REPS2: variants seen among roughly 807,000 people sequenced by gnomAD.
REPS2 encodes ralBP1-associated Eps domain-containing protein 2.
In REPS2, 23 loss-of-function variants were observed where a neutral mutation model predicts 53.6. The observed-to-expected ratio is 0.43, with a 90% CI of 0.31 to 0.61. REPS2 has a LOEUF of 0.61. Ranked by LOEUF, REPS2 falls within the 20% of genes least tolerant of loss-of-function variation. The pLI is 0.11. For missense variants in REPS2, 446 were observed against 534.9 expected, an observed-to-expected ratio of 0.83 and a Z score of 1.64; for synonymous variants, 238 against 218.6, an observed-to-expected ratio of 1.09 and a Z score of -0.78.
At chrX:17,062,812 A>G (rs2062175803) in intron 9 of REPS2, among the ~76,000 whole-genome samples, 1 of 112,244 alleles carries the variant, frequency 8.9e-6, no homozygotes, top group African/African-American at 3.2e-5. Flanking sequence ...AAATGTAGAT[A>G]TAGCCAAACT....
At chrX:17,123,670 A>T (rs1301034468) in intron 14 of REPS2, among the ~76,000 whole-genome samples, 1 of 112,502 alleles carries the variant, frequency 8.9e-6, no homozygotes, top group African/African-American at 3.2e-5. Flanking sequence ...ACTGCCTGAG[A>T]TATCCATGTT....
At position 17,099,883 on chromosome X, in the gene REPS2, C is replaced by T. The variant is rs191991003; in HGVS notation, c.1517-3835C>T. The T allele has an allele frequency of 1.9e-3, 1,464 of 785,715 alleles. 4 individuals are homozygous for T. The highest frequency in any genetic ancestry group is 4.1e-3 in the South Asian group (198 of 48,468). 64.8% of individuals were successfully genotyped at this position (785,715 alleles called of 1,213,427 possible). A position where few individuals can be genotyped will look rare whatever the true frequency, so the allele number is the denominator to read the frequency against. On this transcript the variant is annotated intron_variant, in intron 13 of 17. Coordinates refer to ENST00000357277, the MANE Select transcript of REPS2 (RefSeq NM_004726.3). ...TTGACATTGACTTCCTTGGCAGGGA[C>T]GAGGTCAGCCTCATCAGAATTTTTC...
the REPS2 span, among the ~76,000 whole-genome samples, chrX:17,186,503 G>A: frequency 2.7e-5 from 3 of 112,040 alleles, no homozygotes; most frequent in Non-Finnish European, 5.6e-5. Context: ...TGGTGGTCAA[G>A]CCAAGATTTC....
rs1344217359 is a variant in REPS2, at chrX:17,103,898, C to A, written c.1578+119C>A. 14 of 639,997 alleles carry A rather than the reference C, an allele frequency of 2.2e-5. No individual in the cohort carries two copies. The Admixed American group carries it at 3.5e-4, about 16-fold the overall frequency. 52.7% of individuals were successfully genotyped at this position (639,997 alleles called of 1,213,427 possible). A position where few individuals can be genotyped will look rare whatever the true frequency, so the allele number is the denominator to read the frequency against. On this transcript the variant is annotated intron_variant, in intron 14 of 17. Transcript: ENST00000357277. ...GGTCCATGAGATTCCCAAGCTGATA[C>A]CCTGTGAAGAGAGCAGAGAGTGGTT...
chrX:16,987,546 A>G (rs780856966), intron 1 of REPS2, among the ~76,000 whole-genome samples: 1 of 112,404 alleles, frequency 8.9e-6, no homozygotes, highest in Non-Finnish European at 1.9e-5. Context: ...ACTCTACAAG[A>G]CATCATTATT....
In REPS2 at chrX:17,025,078, C is replaced by T. The variant is rs770365507; in HGVS notation, c.566C>T (p.Thr189Met). Reference protein sequence around the residue: ...EDKQQETQSPTMSPLASPPSS... With the variant: ...EDKQQETQSPMMSPLASPPSS... ...TTGAAGCAGGAAACACAGTCTCCCA[C>T]GATGTCACCCCTCGCCTCCCCTCCT... The change falls in exon 4 of 18, where the codon ACG (threonine) becomes ATG (methionine). Residue 189 changes from threonine to methionine, a missense_variant. Transcript: ENST00000357277. 15 of 1,210,218 alleles carry T rather than the reference C, an allele frequency of 1.2e-5. No homozygotes were observed. The highest frequency in any genetic ancestry group is 2.2e-5 in the Admixed American group (1 of 45,773).
chrX:17,004,413 CTTT>C (rs5901599), intron 1 of REPS2, among the ~76,000 whole-genome samples: 134 of 79,802 alleles, frequency 1.7e-3, no homozygotes, highest in African/African-American at 4.9e-3. Flanking sequence ...CAGAACTAAC[CTTT>C]TTTTTTTTTT....
intron 1 of REPS2, among the ~76,000 whole-genome samples, chrX:16,963,210 G>C (rs1426151115): frequency 8.9e-6 from 1 of 111,878 alleles, no homozygotes; most frequent in African/African-American, 3.3e-5. Context: ...AATGGCCTAA[G>C]GATTTCTTTA....
chrX:17,059,972 G>A (rs9779367), intron 8 of REPS2, among the ~76,000 whole-genome samples: 59 of 93,303 alleles, frequency 6.3e-4, no homozygotes, highest in South Asian at 1.8e-3. Context: ...GTTTCATCAA[G>A]AGTCTCCTTT....
At chrX:17,161,999 C>G in the REPS2 span, among the ~76,000 whole-genome samples, 1 of 112,003 alleles carries the variant, frequency 8.9e-6, no homozygotes, top group African/African-American at 3.2e-5. Flanking sequence ...CTTCCTCTCC[C>G]CAGTTCTGTG....
At chrX:17,111,061 A>G (rs992449524) in intron 14 of REPS2, among the ~76,000 whole-genome samples, 1 of 111,826 alleles carries the variant, frequency 8.9e-6, no homozygotes, top group African/African-American at 3.3e-5. Context: ...TGGATTTTGT[A>G]TTTTCGGATT....
intron 16 of REPS2, chrX:17,138,459 T>G (rs1381646130): frequency 1.7e-5 from 2 of 116,896 alleles, no homozygotes; most frequent in African/African-American, 6.4e-5. Context: ...TTGTATTATT[T>G]TCCTTCAGAC....
At chrX:16,965,874 G>A (rs1248858368) in intron 1 of REPS2, among the ~76,000 whole-genome samples, 1 of 112,919 alleles carries the variant, frequency 8.9e-6, no homozygotes, top group Non-Finnish European at 1.9e-5. Context: ...TCGGGAGGCC[G>A]AGGCTGGCGG....
At position 17,137,202 on chromosome X, in the gene REPS2, G is replaced by A. The variant is rs745753476; in HGVS notation, c.1809-1654G>A. ...GTGGTAACTCTGTCTTTAATATTTC[G>A]AAGAACTACCACACTTTTCATAGTG... On this transcript the variant is annotated intron_variant, in intron 16 of 17. Coordinates refer to ENST00000357277, the MANE Select transcript of REPS2 (RefSeq NM_004726.3). The A allele has an allele frequency of 1.1e-4, 12 of 112,098 alleles. No homozygotes were observed. In the East Asian group the frequency reaches 3.1e-3, roughly 29 times the overall value. 9.2% of individuals were successfully genotyped at this position (112,098 alleles called of 1,213,427 possible).
the REPS2 span, among the ~76,000 whole-genome samples, chrX:17,196,225 C>A: frequency 9.0e-6 from 1 of 111,221 alleles, no homozygotes; most frequent in East Asian, 2.8e-4. Context: ...TTTTAAAAAC[C>A]CTTACTGGGG....
chrX:17,122,105 A>G (rs1171197908), intron 14 of REPS2, among the ~76,000 whole-genome samples: 1 of 110,997 alleles, frequency 9.0e-6, no homozygotes, highest in Non-Finnish European at 1.9e-5. Context: ...TGCACATTTA[A>G]TGTGCAACTC....
At chrX:17,076,146 A>G (rs1424169532) in intron 12 of REPS2, among the ~76,000 whole-genome samples, 1 of 112,315 alleles carries the variant, frequency 8.9e-6, no homozygotes, top group Non-Finnish European at 1.9e-5. Flanking sequence ...TCAGGAAAAT[A>G]AAAACTCACA....
rs147267823 is a variant in REPS2, at chrX:17,062,495, C to T, written c.1172C>T (p.Pro391Leu). Residue 391 changes from proline to leucine, a missense_variant, in exon 9 of 18, where the codon CCG becomes CTG. Pro to Leu is a moderately conservative substitution (Grantham distance 98). Transcript: ENST00000357277. ...TTTGATTCTTATTCTGAGTCACTGC[C>T]GGCAAATCAACAACCTCGTGACTTG... ...QLFDSYSESL[P>L]ANQQPRDLNR... 1,058 of 1,203,064 alleles carry T rather than the reference C, an allele frequency of 8.8e-4. No individual in the cohort carries two copies. The highest frequency in any genetic ancestry group is 1.1e-3 in the Non-Finnish European group (998 of 891,984).
intron 8 of REPS2, among the ~76,000 whole-genome samples, chrX:17,059,574 TCTC>T (rs1460401037): frequency 9.1e-6 from 1 of 110,239 alleles, no homozygotes; most frequent in Non-Finnish European, 1.9e-5. Context: ...TTCAAGCAAT[TCTC>T]CTGCCTCAGC....
Sources: gnomAD v4.1 joint callset for allele counts (sites outside exome capture counted in the v4.1 genomes callset) on GRCh38, gnomAD v4.1.1 for gene constraint, MANE v1.5 for transcripts, NCBI Gene and HGNC (gene_info 2026-07-23, HGNC 2026-07-21) for gene names.